RHOJ: variants seen among roughly 807,000 people sequenced by gnomAD.
The protein encoded by RHOJ is rho-related GTP-binding protein RhoJ.
A neutral mutation model predicts 23.4 loss-of-function variants in RHOJ; 11 were observed. The observed-to-expected ratio is 0.47, with a 90% confidence interval of 0.30 to 0.78. The LOEUF (loss-of-function observed/expected upper bound fraction) is 0.78. RHOJ is among the 30% of genes least tolerant of loss of function. RHOJ has a pLI of 0.08. For synonymous variants in RHOJ, 102 were observed against 102.7 expected (o/e 0.99, Z 0.04); for missense variants, 254 against 273.4 (o/e 0.93, Z 0.50).
At chr14:63,205,515 C>T (rs1894090859) in intron 1 of RHOJ, among the ~76,000 whole-genome samples, 1 of 152,134 alleles carries the variant, frequency 6.6e-6, no homozygotes, top group Non-Finnish European at 1.5e-5. Context: ...ATTAATAAAA[C>T]ACTCATTTTT....
intron 1 of RHOJ, among the ~76,000 whole-genome samples, chr14:63,254,735 G>A (rs897895221): frequency 3.9e-5 from 6 of 152,108 alleles, no homozygotes; most frequent in Admixed American, 2.0e-4. Context: ...TTCCCCAGCT[G>A]CTCCTAAAGC....
chr14:63,292,019 C>T lies in RHOJ; in HGVS notation c.*995C>T, dbSNP rs866736148. 3.8e-4 allele frequency: 58 copies of T among 152,136 alleles called. No homozygotes were observed. Among genetic ancestry groups the T allele is most frequent in the African/African-American group, 1.4e-3 (56 of 41,418 alleles). The allele number at this position is 152,136 out of a possible 1,614,324, so 9.4% of individuals were successfully genotyped here. A position where few individuals can be genotyped will look rare whatever the true frequency, so the allele number is the denominator to read the frequency against. On this transcript the variant is annotated 3_prime_UTR_variant, in exon 5 of 5. Coordinates refer to ENST00000316754, the MANE Select transcript of RHOJ (RefSeq NM_020663.5). ...TCTCATGCCCGGATCCTTTTATTCT[C>T]CCCAGTTATAACCCAGTTATAAAAG...
chr14:63,226,873 T>C (rs1894603749), intron 1 of RHOJ, among the ~76,000 whole-genome samples: 1 of 152,182 alleles, frequency 6.6e-6, no homozygotes, highest in Non-Finnish European at 1.5e-5. Context: ...GGGAGCATGT[T>C]ATATATTACT....
At position 63,265,200 on chromosome 14, in the gene RHOJ, A is replaced by G. The variant is rs189227544; in HGVS notation, c.179-3910A>G. On this transcript the variant is annotated intron_variant, in intron 1 of 4. Transcript: ENST00000316754. The stretch of plus-strand genomic sequence containing the variant: ...CTTTAATTCATCTTAACTTCAGTAT[A>G]TGGTGAAAGGTAAGGGTCCAGTTTC... Among the ~76,000 whole-genome samples, 146 of 152,324 alleles carry G rather than the reference A, an allele frequency of 9.6e-4. 1 individual carries two copies. The highest frequency in any genetic ancestry group is 3.3e-3 in the African/African-American group (136 of 41,580).
At chr14:63,218,587 T>C (rs1430980785) in intron 1 of RHOJ, among the ~76,000 whole-genome samples, 1 of 152,238 alleles carries the variant, frequency 6.6e-6, no homozygotes, top group African/African-American at 2.4e-5. Flanking sequence ...ATTCCCGTCC[T>C]ATCAGTTAAC....
intron 1 of RHOJ, among the ~76,000 whole-genome samples, chr14:63,215,941 C>T (rs1894346280): frequency 1.3e-5 from 2 of 152,254 alleles, no homozygotes; most frequent in Admixed American, 1.3e-4. Flanking sequence ...GAGTCTCAGT[C>T]TTAACCAGTG....
At chr14:63,282,682 G>GA (rs199732507) in intron 3 of RHOJ, among the ~76,000 whole-genome samples, 485 of 73,066 alleles carry the variant, frequency 6.6e-3, no homozygotes, top group East Asian at 0.013. Flanking sequence ...TTGGAAAAGC[G>GA]AAAAAAAAAA....
At chr14:63,288,754 T>C (rs1020053966) in intron 4 of RHOJ, among the ~76,000 whole-genome samples, 1 of 152,234 alleles carries the variant, frequency 6.6e-6, no homozygotes, top group African/African-American at 2.4e-5. Context: ...CCTTGGCTCA[T>C]TCAGTAACCA....
At chr14:63,275,158 A>G (rs1222918468) in intron 2 of RHOJ, among the ~76,000 whole-genome samples, 1 of 152,006 alleles carries the variant, frequency 6.6e-6, no homozygotes, top group East Asian at 1.9e-4. Flanking sequence ...TATCTCTACA[A>G]CATTTTTTTA....
chr14:63,260,574 A>G (rs1895254195), intron 1 of RHOJ, among the ~76,000 whole-genome samples: 1 of 152,232 alleles, frequency 6.6e-6, no homozygotes, highest in Non-Finnish European at 1.5e-5. Context: ...CATGTTCATG[A>G]TAGCAAAGAA....
chr14:63,269,151 T>C lies in RHOJ; in HGVS notation c.220T>C (p.Tyr74His). The change falls in exon 2 of 5, where the codon TAT becomes CAT. Residue 74 changes from tyrosine (Y) to histidine (H), a missense_variant. Transcript: ENST00000316754. ...AGGCAAGCAACACTTGCTCGGACTG[T>C]ATGACACCGCGGGACAGGTACATTT... ...VGGKQHLLGL[Y>H]DTAGQEDYNQ... The C allele has an allele frequency of 2.5e-6, 4 of 1,612,984 alleles. No homozygotes were observed. The highest frequency in any genetic ancestry group is 3.4e-6 in the Non-Finnish European group (4 of 1,179,042).
intron 1 of RHOJ, among the ~76,000 whole-genome samples, chr14:63,224,954 T>A (rs1894562705): frequency 7.6e-6 from 1 of 132,072 alleles, no homozygotes; most frequent in Admixed American, 8.1e-5. Flanking sequence ...ATTTATACTT[T>A]TTTTTTTTTT....
chr14:63,277,803 C>T (rs17093478), intron 2 of RHOJ, among the ~76,000 whole-genome samples: 14,706 of 152,024 alleles, frequency 0.097, 951 homozygotes, highest in East Asian at 0.19. Flanking sequence ...TCTTGGCTCA[C>T]GGGCCTTACA....
chr14:63,265,646 C>G (rs1275058627), intron 1 of RHOJ, among the ~76,000 whole-genome samples: 5 of 152,112 alleles, frequency 3.3e-5, no homozygotes, highest in African/African-American at 4.8e-5. Context: ...AAACCATGAC[C>G]CATGACACAG....
At chr14:63,239,119 AT>A (rs1894840974) in intron 1 of RHOJ, among the ~76,000 whole-genome samples, 1 of 151,512 alleles carries the variant, frequency 6.6e-6, no homozygotes, top group South Asian at 2.1e-4. Context: ...TTTGTTTTTT[AT>A]TTATTTATTT....
At chr14:63,259,380 A>G (rs1895234657) in intron 1 of RHOJ, among the ~76,000 whole-genome samples, 1 of 152,236 alleles carries the variant, frequency 6.6e-6, no homozygotes, top group Non-Finnish European at 1.5e-5. Flanking sequence ...ACAACGCATA[A>G]CATAGGTTCT....
rs1894728282 is a variant in RHOJ at position 63,233,150 on chromosome 14, T to TG, written c.178+28104dup. 2.0e-5 allele frequency among the ~76,000 whole-genome samples: 3 copies of TG among 152,014 alleles called. No homozygotes were observed. In the South Asian group the frequency reaches 6.2e-4, roughly 31 times the overall value. The stretch of plus-strand genomic sequence containing the variant: ...AAGAAATGGAAAAGTTGCTTGGGAA[T>TG]GAAAAAAAAGAGAGGGCTTTGTATT... On this transcript the variant is annotated intron_variant, in intron 1 of 4. Coordinates refer to ENST00000316754, the MANE Select transcript of RHOJ (RefSeq NM_020663.5).
intron 1 of RHOJ, among the ~76,000 whole-genome samples, chr14:63,205,613 A>G (rs986927593): frequency 6.6e-6 from 1 of 152,252 alleles, no homozygotes; most frequent in Non-Finnish European, 1.5e-5. Flanking sequence ...TTAAATATCT[A>G]TTAGGCAATC....
intron 1 of RHOJ, among the ~76,000 whole-genome samples, chr14:63,251,365 T>C (rs1895068129): frequency 6.6e-6 from 1 of 152,228 alleles, no homozygotes; most frequent in Non-Finnish European, 1.5e-5. Context: ...CTGAAGTATA[T>C]AGCCATAGTT....
Sources: allele counts gnomAD v4.1 joint callset (sites outside exome capture counted in the v4.1 genomes callset), GRCh38; gene constraint gnomAD v4.1.1; transcripts MANE v1.5; gene names NCBI Gene and HGNC (gene_info 2026-07-23, HGNC 2026-07-21).